Variants in COBLL1 observed in about 807,000 individuals in gnomAD.
COBLL1 encodes the protein cordon-bleu protein-like 1.
A neutral mutation model predicts 94.8 loss-of-function variants in COBLL1; 50 were observed. That is an observed-to-expected ratio of 0.53 (90% confidence interval 0.42 to 0.67). The LOEUF (loss-of-function observed/expected upper bound fraction) is 0.67. Ranked by LOEUF, COBLL1 falls within the 30% of genes least tolerant of loss-of-function variation. The pLI is 0.00. For synonymous variants in COBLL1, 448 were observed against 473.8 expected, an observed-to-expected ratio of 0.95 and a Z score of 0.71; for missense variants, 1,362 against 1,348.7, an observed-to-expected ratio of 1.01 and a Z score of -0.15.
At chr2:164,671,674 G>A (rs1691243387) in intron 1 of COBLL1, among the ~76,000 whole-genome samples, 2 of 151,986 alleles carry the variant, frequency 1.3e-5, no homozygotes, top group African/African-American at 4.8e-5. Context: ...AGCTTTATGA[G>A]GATAAGGACA....
chr2:164,804,542 T>C (rs565971424), intron 2 of COBLL1, among the ~76,000 whole-genome samples: 67 of 152,276 alleles, frequency 4.4e-4, no homozygotes, highest in African/African-American at 1.5e-3. Context: ...TAACTGCTTT[T>C]GGGGGCTCAA....
Position 164,694,826 on chromosome 2 carries a change from G to A in COBLL1, c.2566C>T (p.Arg856Trp), listed in dbSNP as rs750830368. ...GGTTTGGCCTGGGCATTTGAAGCCC[G>A]AGATTTAAATTTTGATTCCAAAATA... ...NNILESKFKS[R>W]ASNAQAKPSS... Residue 856 changes from arginine (R) to tryptophan (W), a missense_variant, in exon 12 of 14, where the codon CGG (arginine) becomes TGG (tryptophan). Coordinates refer to ENST00000652658, the MANE Select transcript of COBLL1 (RefSeq NM_001365672.2). 35 of 1,613,660 alleles carry A rather than the reference G, an allele frequency of 2.2e-5. No homozygotes were observed. In the South Asian group the frequency reaches 2.2e-4, roughly 10 times the overall value.
At chr2:164,676,321 T>C (rs1441588172), downstream of COBLL1, among the ~76,000 whole-genome samples, 1 of 152,090 alleles carries the variant, frequency 6.6e-6, no homozygotes, top group Non-Finnish European at 1.5e-5. Flanking sequence ...TTGGATAATA[T>C]CTGTCAGCTA....
At chr2:164,807,456 G>T (rs1684228733) in intron 2 of COBLL1, among the ~76,000 whole-genome samples, 2 of 150,366 alleles carry the variant, frequency 1.3e-5, no homozygotes, top group East Asian at 2.0e-4. Flanking sequence ...AAAAAAAAAA[G>T]CTACATAGTT....
intron 7 of COBLL1, among the ~76,000 whole-genome samples, chr2:164,717,870 A>G (rs576462681): frequency 6.6e-6 from 1 of 152,314 alleles, no homozygotes; most frequent in South Asian, 2.1e-4. Flanking sequence ...TGGGCTATAA[A>G]CAATTTTAAT....
chr2:164,658,650 G>T (rs1440062601), intron 2 of COBLL1, among the ~76,000 whole-genome samples: 1 of 152,168 alleles, frequency 6.6e-6, no homozygotes, highest in Non-Finnish European at 1.5e-5. Flanking sequence ...TAATAATTTG[G>T]CCATCTGATG....
chr2:164,768,704 C>G (rs1688056535), intron 2 of COBLL1, among the ~76,000 whole-genome samples: 1 of 152,080 alleles, frequency 6.6e-6, no homozygotes, highest in Admixed American at 6.6e-5. Context: ...TAAAAATCTA[C>G]TGTAAATCTT....
Position 164,728,155 on chromosome 2 carries a change from T to G in COBLL1, c.475A>C (p.Thr159Pro). ...GCATGTGGACTCACTCTCACTATGG[T>G]CTTCTGTGTTTTCTTAAAATTAATC... The part of the protein sequence containing the change: ...VVINFKKTQK[T>P]IVRVSPHASL... The change falls in exon 5 of 14, where the codon ACC becomes CCC. Residue 159 changes from threonine to proline, a missense_variant. Coordinates refer to ENST00000652658, the MANE Select transcript of COBLL1 (RefSeq NM_001365672.2). 6.2e-7 allele frequency: 1 copy of G among 1,613,674 alleles called. No individual in the cohort carries two copies. The highest frequency in any genetic ancestry group is 8.5e-7 in the Non-Finnish European group (1 of 1,179,634).
intron 2 of COBLL1, among the ~76,000 whole-genome samples, chr2:164,751,061 T>A (rs551010425): frequency 9.2e-5 from 14 of 152,276 alleles, no homozygotes; most frequent in African/African-American, 3.4e-4. Context: ...TCCAAAATGC[T>A]TTTAACCAGA....
intron 2 of COBLL1, among the ~76,000 whole-genome samples, chr2:164,819,512 T>A (rs567229045): frequency 9.1e-4 from 139 of 152,194 alleles, no homozygotes; most frequent in Middle Eastern, 3.4e-3. Flanking sequence ...CCACCAAAAT[T>A]TGACAACGTA....
At chr2:164,791,475 T>C (rs903964001) in intron 2 of COBLL1, among the ~76,000 whole-genome samples, 5 of 144,708 alleles carry the variant, frequency 3.5e-5, no homozygotes, top group African/African-American at 1.3e-4. Context: ...TGCTATCAGA[T>C]AGATAGACAG....
chr2:164,833,449 ATT>A (rs371370712), intron 2 of COBLL1, among the ~76,000 whole-genome samples: 1 of 138,480 alleles, frequency 7.2e-6, no homozygotes, highest in Non-Finnish European at 1.5e-5. Context: ...CTGCCTTTAC[ATT>A]TTTTTTTTTT....
rs552697531 is a variant in COBLL1 at position 164,762,947 on chromosome 2, C to T, written c.42-19072G>A. Reference sequence around the variant, plus strand: ...TCTTGACCTTGTGCTCCGCCTGCCTCGGCCTCCCAAAGTGCCAGGATTACA... The same window carrying T: ...TCTTGACCTTGTGCTCCGCCTGCCTTGGCCTCCCAAAGTGCCAGGATTACA... On this transcript the variant is annotated intron_variant, in intron 2 of 13. Transcript: ENST00000652658. Among the ~76,000 whole-genome samples, 14 of 152,226 alleles carry T rather than the reference C, an allele frequency of 9.2e-5. No homozygotes were observed. The South Asian group carries it at 2.7e-3, about 29-fold the overall frequency.
intron 2 of COBLL1, among the ~76,000 whole-genome samples, chr2:164,776,567 G>GTT (rs34783312): frequency 1.6e-3 from 235 of 150,884 alleles, no homozygotes; most frequent in Non-Finnish European, 2.6e-3. Flanking sequence ...ATTTATCACT[G>GTT]TTTTTTTTTA....
intron 1 of COBLL1, among the ~76,000 whole-genome samples, chr2:164,669,542 C>T (rs1691214268): frequency 6.6e-6 from 1 of 152,228 alleles, no homozygotes; most frequent in Admixed American, 6.5e-5. Flanking sequence ...TCCAAGAACA[C>T]TGCTTGCTGC....
At chr2:164,719,745 G>A (rs1347667890) in intron 7 of COBLL1, among the ~76,000 whole-genome samples, 4 of 152,076 alleles carry the variant, frequency 2.6e-5, no homozygotes, top group African/African-American at 9.7e-5. Context: ...CAGAATCACA[G>A]GTTTTGGAAG....
At chr2:164,731,240 T>C (rs1170312546) in intron 3 of COBLL1, among the ~76,000 whole-genome samples, 1 of 152,200 alleles carries the variant, frequency 6.6e-6, no homozygotes. Context: ...AAAACGCTTA[T>C]CAGCTCTTGT....
chr2:164,789,020 AACACACACACACACACACACACACAC>A (rs56773751), intron 2 of COBLL1, among the ~76,000 whole-genome samples: 22 of 141,664 alleles, frequency 1.6e-4, no homozygotes, highest in African/African-American at 4.9e-4. Flanking sequence ...TAGAGGTTTA[AACACACACACACACACACACACACAC>A]ACACACACAC....
At chr2:164,705,332 G>A in intron 7 of COBLL1, 1 of 352,080 alleles carries the variant, frequency 2.8e-6, no homozygotes, top group Non-Finnish European at 5.0e-6. Flanking sequence ...GCTAGAATGG[G>A]AAACTGCCAC....
Sources: allele counts gnomAD v4.1 joint callset (sites outside exome capture counted in the v4.1 genomes callset), GRCh38; gene constraint gnomAD v4.1.1; transcripts MANE v1.5; gene names NCBI Gene and HGNC (gene_info 2026-07-23, HGNC 2026-07-21).